SYNE1: variants seen among roughly 807,000 people sequenced by gnomAD.
The protein encoded by SYNE1 is spectrin repeat containing nuclear envelope protein 1, also known as nesprin-1.
SYNE1 carries 616 observed loss-of-function variants against 1,111.0 expected under a neutral mutation model. The observed-to-expected ratio is 0.55, with a 90% CI of 0.52 to 0.59. The LOEUF is 0.59. Ranked by LOEUF, SYNE1 falls within the 20% of genes least tolerant of loss-of-function variation. The pLI, the probability that SYNE1 is intolerant of heterozygous loss-of-function variation, is 0.00. For synonymous variants in SYNE1, 3,855 were observed against 3,825.8 expected (o/e 1.01, Z -0.28); for missense variants, 10,006 against 10,417.0 (o/e 0.96, Z 1.72).
chr6:152,164,437 A>T, intron 130 of SYNE1, 112 bp from the exon 131 acceptor site: 1 of 1,284,160 alleles, frequency 7.8e-7, no homozygotes, highest in South Asian at 1.3e-5. Context: ...AGAGTTAGAA[A>T]CTCATGTGGA....
intron 103 of SYNE1, 77 bp downstream of exon 103, chr6:152,255,514 A>G (rs2153622451): frequency 1.3e-6 from 2 of 1,515,168 alleles, no homozygotes; most frequent in Non-Finnish European, 1.8e-6. Flanking sequence ...TTCTTTATGC[A>G]TAAAATTAAT....
At position 152,596,098 on chromosome 6, in the gene SYNE1, T is replaced by TAAAAAAAAAA. The variant is rs71017542; in HGVS notation, c.67+32157_67+32166dup. ...AGTGTGCCTGGCAAAAAGGGCAATC[T>TAAAAAAAAAA]AAAAAAAAAAAAAAAAAAAAAAAAA... On this transcript the variant is annotated intron_variant, in intron 3 of 145. Coordinates refer to ENST00000367255, the MANE Select transcript of SYNE1 (RefSeq NM_182961.4). 8.1e-4 allele frequency among the ~76,000 whole-genome samples: 15 copies of TAAAAAAAAAA among 18,586 alleles called. 3 individuals are homozygous for TAAAAAAAAAA. Among genetic ancestry groups the TAAAAAAAAAA allele is most frequent in the Admixed American group, 1.9e-3 (2 of 1,028 alleles). 12.2% of individuals were successfully genotyped at this position (18,586 alleles called of 152,430 possible). A position where few individuals can be genotyped will look rare whatever the true frequency, so the allele number is the denominator to read the frequency against.
At chr6:152,351,088 T>G (rs1312656042) in intron 70 of SYNE1, among the ~76,000 whole-genome samples, 4 of 152,218 alleles carry the variant, frequency 2.6e-5, no homozygotes, top group Non-Finnish European at 5.9e-5. Flanking sequence ...AAAAAAAATC[T>G]CAACATAAAA....
Position 152,443,365 on chromosome 6 carries a change from T to C in SYNE1, c.3837+1046A>G, listed in dbSNP as rs912374866. 2.6e-5 allele frequency among the ~76,000 whole-genome samples: 4 copies of C among 152,042 alleles called. No individual in the cohort carries two copies. In the East Asian group the frequency reaches 5.8e-4, roughly 22 times the overall value. ...TTGCAAGCTCCGTCTCCCGGGTTCATGCCATTCTCCTGCCTCAGCCTCCTG... is the reference window on the plus strand; with the variant it reads ...TTGCAAGCTCCGTCTCCCGGGTTCACGCCATTCTCCTGCCTCAGCCTCCTG... On this transcript the variant is annotated intron_variant, in intron 30 of 145. Transcript: ENST00000367255.
intron 27 of SYNE1, among the ~76,000 whole-genome samples, chr6:152,450,336 GT>G (rs1425732126): frequency 1.3e-5 from 2 of 152,110 alleles, no homozygotes; most frequent in East Asian, 3.9e-4. Context: ...AAATTACGCA[GT>G]CTCAGGTATG....
intron 73 of SYNE1, among the ~76,000 whole-genome samples, chr6:152,344,839 G>A (rs558706331): frequency 1.3e-5 from 2 of 152,160 alleles, no homozygotes; most frequent in African/African-American, 4.8e-5. Flanking sequence ...TCCTTAACAA[G>A]CCAACCAATT....
intron 124 of SYNE1, 70 bp from the exon 125 acceptor site, chr6:152,208,276 T>A (rs747541878): frequency 2.6e-5 from 36 of 1,381,644 alleles, no homozygotes; most frequent in Non-Finnish European, 3.5e-5. Flanking sequence ...TCAGCCAATG[T>A]ATACACTGTC....
In SYNE1 at chr6:152,416,951, T is replaced by G. The variant is rs774493953; in HGVS notation, c.5486A>C (p.Lys1829Thr). ...CTCAGCACGGCCCAGAGAACCCAAC[T>G]TTGCTAAGTGACCCTGCAGACTCTG... ...ELQSLQGHLA[K>T]LGSLGRAEDL... The change falls in exon 41 of 146, where the codon AAG (lysine) becomes ACG (threonine). Residue 1829 changes from lysine (K) to threonine (T), a missense_variant. Transcript: ENST00000367255. 10 of 1,614,046 alleles carry G rather than the reference T, an allele frequency of 6.2e-6. No homozygotes were observed. The highest frequency in any genetic ancestry group is 8.5e-6 in the Non-Finnish European group (10 of 1,180,034).
At chr6:152,295,772 C>T (rs2094847889) in intron 93 of SYNE1, among the ~76,000 whole-genome samples, 1 of 152,148 alleles carries the variant, frequency 6.6e-6, no homozygotes, top group South Asian at 2.1e-4. Context: ...ACTGCTTAAA[C>T]CTGACTCTCC....
intron 136 of SYNE1, 141 bp downstream of exon 136, chr6:152,149,336 C>T: frequency 1.0e-6 from 1 of 965,412 alleles, no homozygotes; most frequent in Non-Finnish European, 1.6e-6. Context: ...GTGACAGCGA[C>T]AATGTAGGAC....
rs1333115741 is a variant in SYNE1, at chr6:152,444,527, C to G, written c.3721G>C (p.Val1241Leu). ...FGDCVQYKEI[V>L]KNSLEELISG... ...ATTAATTCTTCGAGAGAATTTTTGA[C>G]TATTTCTTTGTACTGGACACAGTCC... The change falls in exon 30 of 146, where the codon GTC (valine) becomes CTC (leucine). Residue 1241 changes from valine (V) to leucine (L), a missense_variant. Transcript: ENST00000367255. The G allele has an allele frequency of 6.2e-7, 1 of 1,613,512 alleles. No individual in the cohort carries two copies. Among genetic ancestry groups the G allele is most frequent in the Non-Finnish European group, 8.5e-7 (1 of 1,179,882 alleles).
At chr6:152,495,796 G>A (rs1050081772) in intron 11 of SYNE1, among the ~76,000 whole-genome samples, 3 of 152,330 alleles carry the variant, frequency 2.0e-5, no homozygotes, top group Admixed American at 6.5e-5. Flanking sequence ...CAGGGGCCAC[G>A]TGCATCAGGG....
At chr6:152,503,271 C>T (rs1354415467) in intron 9 of SYNE1, among the ~76,000 whole-genome samples, 1 of 152,122 alleles carries the variant, frequency 6.6e-6, no homozygotes, top group Admixed American at 6.5e-5. Flanking sequence ...AAGGCAGATG[C>T]CTTATATTCA....
At chr6:152,203,617 C>T (rs974726653) in intron 126 of SYNE1, among the ~76,000 whole-genome samples, 1 of 152,158 alleles carries the variant, frequency 6.6e-6, no homozygotes, top group Non-Finnish European at 1.5e-5. Context: ...TGGATTATTT[C>T]TACTTCTCTC....
intron 93 of SYNE1, among the ~76,000 whole-genome samples, chr6:152,298,090 T>A (rs1016439251): frequency 6.6e-6 from 1 of 152,180 alleles, no homozygotes; most frequent in African/African-American, 2.4e-5. Context: ...GGAAATAAAT[T>A]TGGACAACTG....
intron 140 of SYNE1, among the ~76,000 whole-genome samples, chr6:152,139,388 C>T (rs2057860709): frequency 1.3e-5 from 2 of 151,318 alleles, no homozygotes; most frequent in South Asian, 4.2e-4. Context: ...CTGGGCAACA[C>T]GGCAAAACCC....
Position 152,230,798 on chromosome 6 carries a change from A to C in SYNE1, c.21040-96T>G. On this transcript the variant is annotated intron_variant, in intron 114 of 145. Coordinates refer to ENST00000367255, the MANE Select transcript of SYNE1 (RefSeq NM_182961.4). The stretch of plus-strand genomic sequence containing the variant: ...TTCTAGCCAGTATTTTCTCCAAATT[A>C]AGAATTCTTAAAATACAGTTCATCG... 2.2e-6 allele frequency: 3 copies of C among 1,383,480 alleles called. No homozygotes were observed. In the South Asian group the frequency reaches 3.7e-5, roughly 17 times the overall value. The allele number at this position is 1,383,480 out of a possible 1,614,324, so 85.7% of individuals were successfully genotyped here. A position where few individuals can be genotyped will look rare whatever the true frequency, so the allele number is the denominator to read the frequency against.
chr6:152,442,745 G>A (rs1343297725), intron 30 of SYNE1, among the ~76,000 whole-genome samples: 3 of 152,112 alleles, frequency 2.0e-5, no homozygotes, highest in Admixed American at 6.6e-5. Flanking sequence ...CAAAAGCTTG[G>A]AACAGTCTGG....
At position 152,563,931 on chromosome 6, in the gene SYNE1, G is replaced by T. The variant is rs186777519; in HGVS notation, c.68-23910C>A. ...AAATACACATAGCAAGTTGCCAAGA[G>T]AATCACACCATTTTTTTGAAACTTG... On this transcript the variant is annotated intron_variant, in intron 3 of 145. Coordinates refer to ENST00000367255, the MANE Select transcript of SYNE1 (RefSeq NM_182961.4). 1.7e-3 allele frequency among the ~76,000 whole-genome samples: 266 copies of T among 152,038 alleles called. 1 individual carries two copies. The highest frequency in any genetic ancestry group is 2.7e-3 in the Non-Finnish European group (183 of 68,014).
Sources: allele counts gnomAD v4.1 joint callset (sites outside exome capture counted in the v4.1 genomes callset), GRCh38; gene constraint gnomAD v4.1.1; transcripts MANE v1.5; gene names NCBI Gene and HGNC (gene_info 2026-07-23, HGNC 2026-07-21).